The following ZRANB3 variants were observed in gnomAD, a reference collection of about 807,000 sequenced individuals.
The protein encoded by ZRANB3 is DNA annealing helicase and endonuclease ZRANB3.
Under a neutral mutation model 133.8 loss-of-function variants are expected in ZRANB3, and 125 were observed. The observed-to-expected ratio is 0.93, with a 90% CI of 0.81 to 1.08. The LOEUF (loss-of-function observed/expected upper bound fraction) is 1.08, where lower values mean the gene tolerates loss of function less well. Ranked by LOEUF, ZRANB3 falls within the 50% of genes least tolerant of loss-of-function variation. The pLI, the probability that ZRANB3 is intolerant of heterozygous loss-of-function variation, is 0.00. For synonymous variants in ZRANB3, 387 were observed against 432.7 expected (o/e 0.89, Z 1.31); for missense variants, 1,229 against 1,275.5 (o/e 0.96, Z 0.56).
intron 3 of ZRANB3, among the ~76,000 whole-genome samples, chr2:135,367,922 CAAT>C (rs528027338): frequency 6.6e-6 from 1 of 151,942 alleles, no homozygotes; most frequent in Non-Finnish European, 1.5e-5. Flanking sequence ...TTATAATAAC[CAAT>C]AATAACAGGT....
chr2:135,262,240 T>C (rs1461251452), intron 12 of ZRANB3, among the ~76,000 whole-genome samples: 1 of 150,720 alleles, frequency 6.6e-6, no homozygotes, highest in Non-Finnish European at 1.5e-5. Flanking sequence ...TTTTTAGCAA[T>C]ATTTGACGGA....
chr2:135,215,328 GT>G (rs1694260607), intron 17 of ZRANB3, among the ~76,000 whole-genome samples: 1 of 151,618 alleles, frequency 6.6e-6, no homozygotes, highest in Admixed American at 6.6e-5. Flanking sequence ...ACAATCATGG[GT>G]CACTGCAGCC....
chr2:135,235,737 A>G (rs1695254528), intron 12 of ZRANB3, among the ~76,000 whole-genome samples: 1 of 150,056 alleles, frequency 6.7e-6, no homozygotes, highest in African/African-American at 2.5e-5. Flanking sequence ...AAATTCAACA[A>G]CCCTTCATGC....
At chr2:135,248,571 T>G (rs755978343) in intron 12 of ZRANB3, among the ~76,000 whole-genome samples, 1 of 134,446 alleles carries the variant, frequency 7.4e-6, no homozygotes, top group Non-Finnish European at 1.5e-5. Flanking sequence ...TATAAGAAAC[T>G]TAAACAAATT....
chr2:135,319,183 TA>T (rs1683400884), intron 6 of ZRANB3, among the ~76,000 whole-genome samples: 1 of 151,942 alleles, frequency 6.6e-6, no homozygotes, highest in Non-Finnish European at 1.5e-5. Flanking sequence ...GAATTACGAA[TA>T]AAAAGTGAAG....
intron 2 of ZRANB3, among the ~76,000 whole-genome samples, chr2:135,393,066 C>G (rs1469019456): frequency 6.6e-6 from 1 of 151,958 alleles, no homozygotes; most frequent in Admixed American, 6.6e-5. Flanking sequence ...CAGGGTTTCA[C>G]TATGTTGTTC....
intron 2 of ZRANB3, among the ~76,000 whole-genome samples, chr2:135,446,670 T>C (rs1224197218): frequency 6.6e-6 from 1 of 152,142 alleles, no homozygotes; most frequent in Non-Finnish European, 1.5e-5. Flanking sequence ...TTTGAGAGTG[T>C]ATTTGAGGAA....
chr2:135,257,876 C>T (rs978940494), intron 12 of ZRANB3, among the ~76,000 whole-genome samples: 2 of 152,210 alleles, frequency 1.3e-5, no homozygotes, highest in Admixed American at 6.5e-5. Flanking sequence ...AGGCCTGGCA[C>T]TTTCTGCCCC....
intron 2 of ZRANB3, among the ~76,000 whole-genome samples, chr2:135,408,836 G>A (rs1688169754): frequency 6.6e-6 from 1 of 151,392 alleles, no homozygotes; most frequent in Non-Finnish European, 1.5e-5. Flanking sequence ...GGGGTCGGGG[G>A]ATGGGGGAGG....
At position 135,345,512 on chromosome 2, in the gene ZRANB3, A is replaced by G. The variant is rs556068929; in HGVS notation, c.677+38T>C. On this transcript the variant is annotated intron_variant, in intron 6 of 20. Coordinates refer to ENST00000264159, the MANE Select transcript of ZRANB3 (RefSeq NM_032143.4). ...TAATAAAGCAATGTTCACAGTAAAC[A>G]TGTGAGGAAAAAATTTACGGAAAAT... The G allele has an allele frequency of 5.0e-6, 7 of 1,396,126 alleles. No individual in the cohort carries two copies. The South Asian group carries it at 6.2e-5, about 12-fold the overall frequency. The allele number at this position is 1,396,126 out of a possible 1,614,324, so 86.5% of individuals were successfully genotyped here.
chr2:135,291,342 C>T (rs112561105), intron 8 of ZRANB3, among the ~76,000 whole-genome samples: 3 of 152,010 alleles, frequency 2.0e-5, no homozygotes, highest in South Asian at 2.1e-4. Context: ...GCCACCACAC[C>T]TAGCTAATTT....
rs1323801630 is a variant in ZRANB3, at chr2:135,207,507, A to C, written c.2936T>G (p.Leu979Arg). Reference protein sequence around the residue: ...NVNAQELFLRLRDAPKSQRKN... With the variant: ...NVNAQELFLRRRDAPKSQRKN... ...CCTCTGACTTTTAGGGGCATCTCTC[A>C]GACGTAAAAAGAGTTCTTGTGCGTT... Residue 979 changes from leucine to arginine, a missense_variant, in exon 19 of 21, where the codon CTG (leucine) becomes CGG (arginine). Coordinates refer to ENST00000264159, the MANE Select transcript of ZRANB3 (RefSeq NM_032143.4). The C allele has an allele frequency of 6.2e-7, 1 of 1,614,040 alleles. No individual in the cohort carries two copies. The highest frequency in any genetic ancestry group is 1.7e-5 in the Admixed American group (1 of 60,022).
intron 8 of ZRANB3, among the ~76,000 whole-genome samples, chr2:135,306,495 T>C (rs958845604): frequency 2.7e-4 from 41 of 151,096 alleles, no homozygotes; most frequent in African/African-American, 1.0e-3. Flanking sequence ...GGTTTCACCA[T>C]GTTAGCCAGG....
intron 2 of ZRANB3, 110 bp downstream of exon 2, chr2:135,504,219 T>C (rs1693072772): frequency 7.8e-7 from 1 of 1,283,868 alleles, no homozygotes. Context: ...CACAATCAAT[T>C]CTACTAAAGA....
At chr2:135,325,482 C>T (rs554776411) in intron 6 of ZRANB3, among the ~76,000 whole-genome samples, 5 of 152,100 alleles carry the variant, frequency 3.3e-5, no homozygotes, top group South Asian at 2.1e-4. Flanking sequence ...CTGCAAGCTC[C>T]GCCTCCCAGG....
intron 17 of ZRANB3, among the ~76,000 whole-genome samples, chr2:135,213,266 A>T (rs528084497): frequency 8.5e-4 from 130 of 152,274 alleles, no homozygotes; most frequent in Middle Eastern, 3.4e-3. Context: ...CTCACTCTTT[A>T]TCTCTACTGA....
chr2:135,406,679 A>G (rs1164589189), intron 2 of ZRANB3, among the ~76,000 whole-genome samples: 1 of 152,218 alleles, frequency 6.6e-6, no homozygotes, highest in Non-Finnish European at 1.5e-5. Context: ...ACGAAAATCA[A>G]TGAATGTAAT....
intron 1 of ZRANB3, chr2:135,511,402 T>G: frequency 1.2e-6 from 1 of 807,710 alleles, no homozygotes; most frequent in Admixed American, 1.7e-5. Context: ...TCCACGTCAT[T>G]ACTGACAACT....
At chr2:135,416,322 A>G (rs895480633) in intron 2 of ZRANB3, among the ~76,000 whole-genome samples, 9 of 152,174 alleles carry the variant, frequency 5.9e-5, no homozygotes, top group African/African-American at 1.9e-4. Context: ...CAACAGACAA[A>G]CACAGAGCCA....
Sources: gnomAD v4.1 joint callset for allele counts (sites outside exome capture counted in the v4.1 genomes callset) on GRCh38, gnomAD v4.1.1 for gene constraint, MANE v1.5 for transcripts, NCBI Gene and HGNC (gene_info 2026-07-23, HGNC 2026-07-21) for gene names.